Variants in COBL observed in about 807,000 individuals in gnomAD.
COBL encodes the protein cordon-bleu WH2 repeat protein.
Under a neutral mutation model 98.8 loss-of-function variants are expected in COBL, and 51 were observed. That is an observed-to-expected ratio of 0.52 (90% CI 0.41 to 0.65). The LOEUF (loss-of-function observed/expected upper bound fraction) is 0.65. Among genes scored for constraint, COBL ranks in the 30% least tolerant of loss-of-function variants. COBL has a pLI of 0.00. For missense variants in COBL, 1,617 were observed against 1,617.5 expected (o/e 1.00, Z 0.01); for synonymous variants, 634 against 651.7 (o/e 0.97, Z 0.41).
intron 6 of COBL, among the ~76,000 whole-genome samples, chr7:51,096,405 A>G (rs1408929327): frequency 6.6e-6 from 1 of 152,084 alleles, no homozygotes; most frequent in East Asian, 1.9e-4. Flanking sequence ...ATAAACACCC[A>G]TATGAAAAAC....
intron 6 of COBL, among the ~76,000 whole-genome samples, chr7:51,105,477 G>A (rs1007809284): frequency 3.9e-5 from 6 of 152,150 alleles, no homozygotes; most frequent in Non-Finnish European, 8.8e-5. Flanking sequence ...GGCTGGGTGG[G>A]GTGGCTCACA....
At chr7:51,075,565 A>G (rs1161790953) in intron 7 of COBL, among the ~76,000 whole-genome samples, 1 of 152,162 alleles carries the variant, frequency 6.6e-6, no homozygotes, top group Non-Finnish European at 1.5e-5. Flanking sequence ...GTATGTCTAT[A>G]TAATTTACTT....
chr7:51,164,135 C>G (rs1179330091), intron 5 of COBL, among the ~76,000 whole-genome samples: 2 of 151,924 alleles, frequency 1.3e-5, no homozygotes, highest in African/African-American at 2.4e-5. Flanking sequence ...TTTTGTCATT[C>G]AAGAGGGTTT....
chr7:51,262,487 A>C (rs1468817706), intron 1 of COBL, among the ~76,000 whole-genome samples: 1 of 152,206 alleles, frequency 6.6e-6, no homozygotes, highest in Non-Finnish European at 1.5e-5. Flanking sequence ...CCTGCGACTC[A>C]GGACTGGGTC....
At chr7:51,098,013 G>A (rs1432571981) in intron 6 of COBL, among the ~76,000 whole-genome samples, 13 of 111,450 alleles carry the variant, frequency 1.2e-4, no homozygotes, top group African/African-American at 4.4e-4. Flanking sequence ...AACAGAGCGA[G>A]ACTCCATCTC....
chr7:51,224,542 G>A (rs534560768), intron 1 of COBL, among the ~76,000 whole-genome samples: 3 of 151,970 alleles, frequency 2.0e-5, no homozygotes, highest in Admixed American at 2.0e-4. Context: ...CCTGGGGCAG[G>A]AGGAGAAGTC....
chr7:51,247,379 T>A (rs1251340760), intron 1 of COBL, among the ~76,000 whole-genome samples: 1 of 152,170 alleles, frequency 6.6e-6, no homozygotes, highest in Non-Finnish European at 1.5e-5. Flanking sequence ...TTGGACAGGA[T>A]CTCCTGAGGT....
At chr7:51,264,045 T>A (rs1182667050) in intron 1 of COBL, among the ~76,000 whole-genome samples, 1 of 152,132 alleles carries the variant, frequency 6.6e-6, no homozygotes, top group Non-Finnish European at 1.5e-5. Context: ...TATGTAGCTG[T>A]CAAAAGACAA....
intron 12 of COBL, among the ~76,000 whole-genome samples, chr7:51,018,942 ATATATATATATG>A: frequency 4.1e-5 from 4 of 96,516 alleles, no homozygotes; most frequent in African/African-American, 1.5e-4. Context: ...ATATATATAT[ATATATATATATG>A]ATTTTTTTTG....
chr7:51,313,365 T>C (rs1484980236), intron 1 of COBL, among the ~76,000 whole-genome samples: 1 of 152,246 alleles, frequency 6.6e-6, no homozygotes. Flanking sequence ...CCGACAGGAC[T>C]AGAGTAGCTC....
chr7:51,110,170 T>C (rs770636869), intron 6 of COBL, among the ~76,000 whole-genome samples: 34 of 152,222 alleles, frequency 2.2e-4, no homozygotes, highest in Non-Finnish European at 3.4e-4. Context: ...TTGTTAACAA[T>C]AGTCATCCGA....
At chr7:51,191,920 CA>C (rs1790152478) in intron 3 of COBL, among the ~76,000 whole-genome samples, 1 of 152,170 alleles carries the variant, frequency 6.6e-6, no homozygotes, top group Non-Finnish European at 1.5e-5. Context: ...GCCTGCGTAC[CA>C]GGGCCCAGTG....
At chr7:51,264,210 G>A (rs1797967859) in intron 1 of COBL, among the ~76,000 whole-genome samples, 1 of 152,180 alleles carries the variant, frequency 6.6e-6, no homozygotes, top group Non-Finnish European at 1.5e-5. Flanking sequence ...AAGCCCATGT[G>A]TTGGGGATCT....
rs768086691 is a variant in COBL at position 51,077,504 on chromosome 7, C to T, written c.1096+7662G>A. On this transcript the variant is annotated intron_variant, in intron 7 of 12. Coordinates refer to ENST00000265136, the MANE Select transcript of COBL (RefSeq NM_015198.5). Reference sequence around the variant, plus strand: ...CTATACAAGGTGACAGCAGGGAGCACGAGTTTGTTCTTTGGCCACACACAC... The same window carrying T: ...CTATACAAGGTGACAGCAGGGAGCATGAGTTTGTTCTTTGGCCACACACAC... Among the ~76,000 whole-genome samples the T allele has an allele frequency of 3.7e-4, 57 of 152,200 alleles. 1 individual carries two copies. The highest frequency in any genetic ancestry group is 6.2e-4 in the Non-Finnish European group (42 of 68,032).
At chr7:51,088,137 C>T (rs566531385) in intron 6 of COBL, among the ~76,000 whole-genome samples, 1 of 152,180 alleles carries the variant, frequency 6.6e-6, no homozygotes, top group Non-Finnish European at 1.5e-5. Context: ...CTGGGTGGGG[C>T]TCTTTTCATT....
chr7:51,274,705 T>C (rs1563115171), intron 1 of COBL, among the ~76,000 whole-genome samples: 1 of 152,220 alleles, frequency 6.6e-6, no homozygotes, highest in Non-Finnish European at 1.5e-5. Flanking sequence ...TTTCATTCAA[T>C]AAATGACTTT....
chr7:51,040,255 C>T (rs2128884719), intron 8 of COBL, among the ~76,000 whole-genome samples: 1 of 151,602 alleles, frequency 6.6e-6, no homozygotes, highest in South Asian at 2.1e-4. Flanking sequence ...TGAAATCCCC[C>T]CTCCCCTCAA....
rs1788816415 is a variant in COBL, at chr7:51,180,345, C to A, written c.783+3757G>T. ...TAAAAGCATGTCACTTTCTGACAGG[C>A]CCAGTAATCTCAAGATATTTTGAGA... On this transcript the variant is annotated intron_variant, in intron 5 of 12. Coordinates refer to ENST00000265136, the MANE Select transcript of COBL (RefSeq NM_015198.5). Among the ~76,000 whole-genome samples, 3 of 152,124 alleles carry A rather than the reference C, an allele frequency of 2.0e-5. No homozygotes were observed. In the South Asian group the frequency reaches 6.2e-4, roughly 32 times the overall value.
chr7:51,278,373 C>G (rs1322631260), intron 1 of COBL, among the ~76,000 whole-genome samples: 1 of 130,670 alleles, frequency 7.7e-6, no homozygotes, highest in Admixed American at 8.9e-5. Flanking sequence ...TATATTTAGA[C>G]AGGATCTTTT....
Sources: gnomAD v4.1 joint callset for allele counts (sites outside exome capture counted in the v4.1 genomes callset) on GRCh38, gnomAD v4.1.1 for gene constraint, MANE v1.5 for transcripts, NCBI Gene and HGNC (gene_info 2026-07-23, HGNC 2026-07-21) for gene names.